OR51A7: variants seen among roughly 807,000 people sequenced by gnomAD.
The protein encoded by OR51A7 is olfactory receptor 51A7.
For missense variants in OR51A7, 409 were observed against 374.5 expected, an observed-to-expected ratio of 1.09 and a Z score of -0.76; for synonymous variants, 143 against 135.5, an observed-to-expected ratio of 1.05 and a Z score of -0.38.
chr11:4,908,332 A>C lies in OR51A7; in HGVS notation c.*24A>C. The stretch of plus-strand genomic sequence containing the variant: ...AAGAACTTGAACAATTAGGTAATAA[A>C]TTATCAACCAGTAGGCATTTACTGT... On this transcript the variant is annotated 3_prime_UTR_variant, in exon 2 of 2. Coordinates refer to ENST00000641490, the MANE Select transcript of OR51A7 (RefSeq NM_001004749.2). The C allele has an allele frequency of 6.3e-7, 1 of 1,590,038 alleles. No homozygotes were observed. Among genetic ancestry groups the C allele is most frequent in the Non-Finnish European group, 8.6e-7 (1 of 1,158,774 alleles).
intron 1 of OR51A7, among the ~76,000 whole-genome samples, chr11:4,906,896 C>G (rs1469857355): frequency 1.3e-5 from 2 of 151,876 alleles, no homozygotes; most frequent in Non-Finnish European, 2.9e-5. Context: ...TCAAGACCAG[C>G]CTGGCCAACA....
chr11:4,907,879 A>G lies in OR51A7; in HGVS notation c.510A>G (p.Gln170=). ...PFTLRRLKYC[Q]KNLLSHSYCL... ...CCTTAAGGAGATTAAAATATTGTCA[A>G]AAGAATCTTCTTTCTCACTCATACT... is the stretch of plus-strand genomic sequence containing the variant. Residue 170 remains glutamine (Q), a synonymous_variant, in exon 2 of 2, where the codon CAA becomes CAG. Coordinates refer to ENST00000641490, the MANE Select transcript of OR51A7 (RefSeq NM_001004749.2). 1.9e-6 allele frequency: 3 copies of G among 1,614,032 alleles called. No homozygotes were observed. Among genetic ancestry groups the G allele is most frequent in the Non-Finnish European group, 2.5e-6 (3 of 1,180,010 alleles).
intron 1 of OR51A7, among the ~76,000 whole-genome samples, chr11:4,904,180 TA>T (rs1460174445): frequency 8.5e-5 from 13 of 152,244 alleles, no homozygotes; most frequent in Admixed American, 2.6e-4. Context: ...TGTTAGAGAC[TA>T]TCAGACAGCC....
chr11:4,908,131 C>T lies in OR51A7; in HGVS notation c.762C>T (p.Ile254=), dbSNP rs760728485. The change falls in exon 2 of 2, where the codon ATC becomes ATT. Residue 254 remains isoleucine, a synonymous_variant. Transcript: ENST00000641490. ...CTGTGCTCACCTTCTATGTGCCCAT[C>T]ATCACCCTGGCTGCCATGCATCACT... The part of the protein sequence containing the change: ...ICAVLTFYVP[I]ITLAAMHHFA... 2 of 1,614,196 alleles carry T rather than the reference C, an allele frequency of 1.2e-6. No individual in the cohort carries two copies. Among genetic ancestry groups the T allele is most frequent in the South Asian group, 1.1e-5 (1 of 91,072 alleles).
chr11:4,907,826 A>C lies in OR51A7; in HGVS notation c.457A>C (p.Ile153Leu). ...KMGLILAIRS[I>L]LLVIPFPFTL... Reference sequence around the variant, plus strand: ...GGGACTTATTTTAGCCATTAGGAGCATTCTCTTAGTGATTCCATTTCCCTT... The same window carrying C: ...GGGACTTATTTTAGCCATTAGGAGCCTTCTCTTAGTGATTCCATTTCCCTT... The change falls in exon 2 of 2, where the codon ATT (isoleucine) becomes CTT (leucine). Residue 153 changes from isoleucine to leucine, a missense_variant. By Grantham distance (5) the Ile-to-Leu change is conservative. Transcript: ENST00000641490. 1 of 1,613,884 alleles carries C rather than the reference A, an allele frequency of 6.2e-7. No individual in the cohort carries two copies. Among genetic ancestry groups the C allele is most frequent in the Non-Finnish European group, 8.5e-7 (1 of 1,179,862 alleles).
chr11:4,904,593 T>C (rs1259153935), intron 1 of OR51A7, among the ~76,000 whole-genome samples: 1 of 152,136 alleles, frequency 6.6e-6, no homozygotes, highest in Admixed American at 6.6e-5. Flanking sequence ...CTCTTTGGTT[T>C]CAGATACCAC....
At chr11:4,905,096 A>T (rs1286030797) in intron 1 of OR51A7, among the ~76,000 whole-genome samples, 3 of 152,206 alleles carry the variant, frequency 2.0e-5, no homozygotes, top group Non-Finnish European at 4.4e-5. Context: ...ATAAGAGTTA[A>T]GTGCATTCAG....
rs1850940754 is a variant in OR51A7, at chr11:4,908,453, G to A, written c.*145G>A. ...AGTGCAGAATTTATAATAAAGTTGAGAATATAACTGAACAGGATAGAAAAA... is the reference window on the plus strand; with the variant it reads ...AGTGCAGAATTTATAATAAAGTTGAAAATATAACTGAACAGGATAGAAAAA... On this transcript the variant is annotated 3_prime_UTR_variant, in exon 2 of 2. Coordinates refer to ENST00000641490, the MANE Select transcript of OR51A7 (RefSeq NM_001004749.2). 3 of 725,998 alleles carry A rather than the reference G, an allele frequency of 4.1e-6. No individual in the cohort carries two copies. Among genetic ancestry groups the A allele is most frequent in the Non-Finnish European group, 7.2e-6 (3 of 418,136 alleles). 45.0% of individuals were successfully genotyped at this position (725,998 alleles called of 1,614,324 possible).
intron 1 of OR51A7, among the ~76,000 whole-genome samples, chr11:4,904,878 T>C (rs1289094878): frequency 6.6e-6 from 1 of 152,136 alleles, no homozygotes; most frequent in Non-Finnish European, 1.5e-5. Context: ...TGATGACAGA[T>C]ACATGGGGAT....
Position 4,907,337 on chromosome 11 carries a change from A to G in OR51A7, c.-31-2A>G. 1 of 1,423,698 alleles carries G rather than the reference A, an allele frequency of 7.0e-7. No homozygotes were observed. Among genetic ancestry groups the G allele is most frequent in the Non-Finnish European group, 9.8e-7 (1 of 1,018,944 alleles). The allele number at this position is 1,423,698 out of a possible 1,614,324, so 88.2% of individuals were successfully genotyped here. ...GACTGCTTTTCATTTATATGGTTTC[A>G]GATCCGGCTAACGAGCTCATATCTC... On this transcript the variant is annotated splice_acceptor_variant, in intron 1 of 1. Coordinates refer to ENST00000641490, the MANE Select transcript of OR51A7 (RefSeq NM_001004749.2). LOFTEE classifies it low-confidence loss of function (5UTR_SPLICE).
chr11:4,908,151 A>G lies in OR51A7; in HGVS notation c.782A>G (p.His261Arg). Residue 261 changes from histidine to arginine, a missense_variant, in exon 2 of 2, where the codon CAT becomes CGT. His to Arg is a conservative substitution (Grantham distance 29). Transcript: ENST00000641490. ...YVPIITLAAM[H>R]HFAKHKSPLV... The stretch of plus-strand genomic sequence containing the variant: ...CCCATCATCACCCTGGCTGCCATGC[A>G]TCACTTTGCCAAGCACAAAAGCCCT... 5 of 1,614,192 alleles carry G rather than the reference A, an allele frequency of 3.1e-6. No homozygotes were observed. Among genetic ancestry groups the G allele is most frequent in the East Asian group, 2.2e-5 (1 of 44,876 alleles).
At position 4,909,241 on chromosome 11, in the gene OR51A7, C is replaced by T. The variant is rs750981231; in HGVS notation, c.*933C>T. ...TTTTCACTAAAATTTATATTTTAAA[C>T]TTTTTTTCTCATGTATAGAGGAAAT... On this transcript the variant is annotated 3_prime_UTR_variant, in exon 2 of 2. Coordinates refer to ENST00000641490, the MANE Select transcript of OR51A7 (RefSeq NM_001004749.2). 1 of 151,946 alleles carries T rather than the reference C, an allele frequency of 6.6e-6. No homozygotes were observed. The highest frequency in any genetic ancestry group is 1.5e-5 in the Non-Finnish European group (1 of 67,984). The allele number at this position is 151,946 out of a possible 1,614,324, so 9.4% of individuals were successfully genotyped here.
At position 4,907,848 on chromosome 11, in the gene OR51A7, C is replaced by G. The variant is rs1281726550; in HGVS notation, c.479C>G (p.Pro160Arg). 3 of 1,613,644 alleles carry G rather than the reference C, an allele frequency of 1.9e-6. No homozygotes were observed. Among genetic ancestry groups the G allele is most frequent in the Non-Finnish European group, 2.5e-6 (3 of 1,179,872 alleles). ...AGCATTCTCTTAGTGATTCCATTTC[C>G]CTTCACCTTAAGGAGATTAAAATAT... ...IRSILLVIPF[P>R]FTLRRLKYCQ... Residue 160 changes from proline (P) to arginine (R), a missense_variant, in exon 2 of 2, where the codon CCC becomes CGC. By Grantham distance (103) the Pro-to-Arg change is moderately radical. Transcript: ENST00000641490.
intron 1 of OR51A7, among the ~76,000 whole-genome samples, chr11:4,904,402 C>T (rs1850851330): frequency 6.6e-6 from 1 of 152,118 alleles, no homozygotes; most frequent in Admixed American, 6.5e-5. Flanking sequence ...GACTGCCTTC[C>T]TTGAAACATT....
chr11:4,907,803 G>T lies in OR51A7; in HGVS notation c.434G>T (p.Gly145Val), dbSNP rs1292332174. 1 of 1,613,898 alleles carries T rather than the reference G, an allele frequency of 6.2e-7. No homozygotes were observed. The highest frequency in any genetic ancestry group is 1.7e-5 in the Admixed American group (1 of 59,992). Residue 145 changes from glycine to valine, a missense_variant, in exon 2 of 2, where the codon GGA (glycine) becomes GTA (valine). Coordinates refer to ENST00000641490, the MANE Select transcript of OR51A7 (RefSeq NM_001004749.2). ...ILTSNRVAKM[G>V]LILAIRSILL... ...ACTAGCAACAGGGTTGCTAAAATGG[G>T]ACTTATTTTAGCCATTAGGAGCATT...
chr11:4,908,751 AT>A lies in OR51A7; in HGVS notation c.*447del, dbSNP rs1470966377. 6.1e-6 allele frequency: 1 copy of A among 164,524 alleles called. No individual in the cohort carries two copies. The highest frequency in any genetic ancestry group is 2.4e-5 in the African/African-American group (1 of 41,598). 10.2% of individuals were successfully genotyped at this position (164,524 alleles called of 1,614,324 possible). A position where few individuals can be genotyped will look rare whatever the true frequency, so the allele number is the denominator to read the frequency against. On this transcript the variant is annotated 3_prime_UTR_variant, in exon 2 of 2. Transcript: ENST00000641490. ...TGAAATTTAACAGATAGCAAGTGAT[AT>A]TTTGGATAAAATAAGTGAACCAGAT...
intron 1 of OR51A7, among the ~76,000 whole-genome samples, chr11:4,905,950 T>G (rs2133563690): frequency 6.6e-6 from 1 of 152,276 alleles, no homozygotes; most frequent in East Asian, 1.9e-4. Context: ...TGGTTTGGAT[T>G]TTTTTCATTT....
At position 4,908,016 on chromosome 11, in the gene OR51A7, C is replaced by T; in HGVS notation, c.647C>T (p.Ser216Phe). The change falls in exon 2 of 2, where the codon TCT becomes TTT. Residue 216 changes from serine to phenylalanine, a missense_variant. Physicochemically the swap from Ser to Phe is radical, Grantham distance 155 (BLOSUM62 -2). Transcript: ENST00000641490. The part of the protein sequence containing the change: ...TMLDLALIVL[S>F]YVLILKTILS... Reference sequence around the variant, plus strand: ...CTGGACTTGGCACTGATTGTTTTGTCTTATGTGCTGATCTTGAAGACTATA... The same window carrying T: ...CTGGACTTGGCACTGATTGTTTTGTTTTATGTGCTGATCTTGAAGACTATA... 1.2e-6 allele frequency: 2 copies of T among 1,614,204 alleles called. No homozygotes were observed. Among genetic ancestry groups the T allele is most frequent in the South Asian group, 1.1e-5 (1 of 91,074 alleles).
intron 1 of OR51A7, among the ~76,000 whole-genome samples, chr11:4,905,636 A>G (rs1334550167): frequency 6.6e-6 from 1 of 151,834 alleles, no homozygotes; most frequent in Non-Finnish European, 1.5e-5. Flanking sequence ...CATCTTTTGT[A>G]TTTTTGTTAT....
Sources: allele counts gnomAD v4.1 joint callset (sites outside exome capture counted in the v4.1 genomes callset), GRCh38; gene constraint gnomAD v4.1.1; transcripts MANE v1.5; gene names NCBI Gene and HGNC (gene_info 2026-07-23, HGNC 2026-07-21).